Variants in ZNF559 observed in about 807,000 individuals in gnomAD.
ZNF559 encodes putative protein product of Nbla00121.
ZNF559 carries 17 observed loss-of-function variants against 14.2 expected under a neutral mutation model. That is an observed-to-expected ratio of 1.20 (90% CI 0.82 to 1.80). The LOEUF (loss-of-function observed/expected upper bound fraction) is 1.80. Among genes scored for constraint, ZNF559 ranks in the 40% most tolerant of loss-of-function variants. ZNF559 has a pLI of 0.00. For synonymous variants in ZNF559, 244 were observed against 212.4 expected (o/e 1.15, Z -1.29); for missense variants, 740 against 629.7 (o/e 1.18, Z -1.88).
At chr19:9,329,724 C>T (rs140980707) in intron 2 of ZNF559, among the ~76,000 whole-genome samples, 2,263 of 152,234 alleles carry the variant, frequency 0.015, 24 homozygotes, top group African/African-American at 0.027. Flanking sequence ...AATGCAGTGG[C>T]GTGATCTTGG....
At position 9,324,255 on chromosome 19, in the gene ZNF559, C is replaced by T. The variant is rs1464416797; in HGVS notation, c.-206+27C>T. ...TAAGTTTTTGTTTCTGGGCGGCGTT[C>T]GGTGGTGTCCCGGTGCAGCCACGCG... On this transcript the variant is annotated intron_variant, in intron 1 of 6. Coordinates refer to ENST00000603380, the MANE Select transcript of ZNF559 (RefSeq NM_032497.3). 29 of 1,535,932 alleles carry T rather than the reference C, an allele frequency of 1.9e-5. No individual in the cohort carries two copies. The East Asian group carries it at 4.9e-4, about 26-fold the overall frequency.
At chr19:9,332,537 T>C (rs770932022) in intron 2 of ZNF559, among the ~76,000 whole-genome samples, 10 of 152,160 alleles carry the variant, frequency 6.6e-5, no homozygotes, top group Non-Finnish European at 1.3e-4. Flanking sequence ...TCAGGGAGGC[T>C]ACATGCACCT....
At chr19:9,324,442 T>G in intron 1 of ZNF559, 1 of 1,438,110 alleles carries the variant, frequency 7.0e-7, no homozygotes, top group Non-Finnish European at 9.1e-7. Context: ...CGCTGGGGCC[T>G]CGGCCCGGGA....
intron 2 of ZNF559, among the ~76,000 whole-genome samples, chr19:9,337,262 C>T (rs764471987): frequency 4.6e-5 from 7 of 152,174 alleles, no homozygotes; most frequent in Non-Finnish European, 7.3e-5. Context: ...AACAGGCCTT[C>T]AGCATAAATC....
At chr19:9,324,874 C>A in intron 2 of ZNF559, 94 bp downstream of exon 2, 1 of 1,046,158 alleles carries the variant, frequency 9.6e-7, no homozygotes, top group Non-Finnish European at 1.4e-6. Flanking sequence ...GGTGGTTGTT[C>A]GAGAGCACAT....
chr19:9,342,874 A>G lies in ZNF559; in HGVS notation c.1423A>G (p.Ser475Gly). The G allele has an allele frequency of 1.9e-6, 3 of 1,614,020 alleles. No homozygotes were observed. Among genetic ancestry groups the G allele is most frequent in the Non-Finnish European group, 1.7e-6 (2 of 1,180,004 alleles). ...ATGTCAAAAGTGTGGGCAAGCCTTC[A>G]GTATCTCATCAGGCCTTACAGTACA... ...YKCQKCGQAF[S>G]ISSGLTVHMR... Residue 475 changes from serine (S) to glycine (G), a missense_variant, in exon 7 of 7, where the codon AGT becomes GGT. Physicochemically the swap from Ser to Gly is moderately conservative, Grantham distance 56 (BLOSUM62 0). Coordinates refer to ENST00000603380, the MANE Select transcript of ZNF559 (RefSeq NM_032497.3).
rs570646139 is a variant in ZNF559 at position 9,329,218 on chromosome 19, ATTTCT to A, written c.-120+4442_-120+4446del. 2.8e-4 allele frequency among the ~76,000 whole-genome samples: 42 copies of A among 152,100 alleles called. No homozygotes were observed. The South Asian group carries it at 5.0e-3, about 18-fold the overall frequency. ...AGCATATGTGGTGCCATAGTTTTTA[ATTTCT>A]TTTATATTTATATACAATATGATTG... On this transcript the variant is annotated intron_variant, in intron 2 of 6. Coordinates refer to ENST00000603380, the MANE Select transcript of ZNF559 (RefSeq NM_032497.3).
Position 9,342,865 on chromosome 19 carries a change from C to G in ZNF559, c.1414C>G (p.Gln472Glu), listed in dbSNP as rs776724223. The change falls in exon 7 of 7, where the codon CAA (glutamine) becomes GAA (glutamate). Residue 472 changes from glutamine to glutamate, a missense_variant. Coordinates refer to ENST00000603380, the MANE Select transcript of ZNF559 (RefSeq NM_032497.3). ...GCCATATAAATGTCAAAAGTGTGGG[C>G]AAGCCTTCAGTATCTCATCAGGCCT... The part of the protein sequence containing the change: ...ERPYKCQKCG[Q>E]AFSISSGLTV... 1 of 1,612,586 alleles carries G rather than the reference C, an allele frequency of 6.2e-7. No individual in the cohort carries two copies. Among genetic ancestry groups the G allele is most frequent in the Admixed American group, 1.7e-5 (1 of 59,916 alleles).
rs1599359985 is a variant in ZNF559, at chr19:9,342,905, G to GA, written c.1456dup (p.Thr486AsnfsTer5). 2 of 1,614,178 alleles carry GA rather than the reference G, an allele frequency of 1.2e-6. No individual in the cohort carries two copies. Among genetic ancestry groups the GA allele is most frequent in the Non-Finnish European group, 1.7e-6 (2 of 1,180,020 alleles). On this transcript the variant is annotated frameshift_variant, in exon 7 of 7. Transcript: ENST00000603380. LOFTEE classifies it low-confidence loss of function (END_TRUNC). ...TCATCAGGCCTTACAGTACACATGA[G>GA]AACTCACACTGGTGAACGGCCCTTT...
chr19:9,345,767 A>C lies in ZNF559; in HGVS notation c.*2699A>C, dbSNP rs568474191. 35 of 151,386 alleles carry C rather than the reference A, an allele frequency of 2.3e-4. 1 individual carries two copies. The highest frequency in any genetic ancestry group is 4.4e-5 in the Non-Finnish European group (3 of 67,876). The allele number at this position is 151,386 out of a possible 1,614,324, so 9.4% of individuals were successfully genotyped here. A position where few individuals can be genotyped will look rare whatever the true frequency, so the allele number is the denominator to read the frequency against. On this transcript the variant is annotated 3_prime_UTR_variant, in exon 7 of 7. Transcript: ENST00000603380. ...GAATTTTGAGAGTTTAAAATTTGTA[A>C]TATATTTAATATTAAACCTATTAGT... is the stretch of plus-strand genomic sequence containing the variant.
In ZNF559 at chr19:9,339,273, A is replaced by C; in HGVS notation, c.114A>C (p.Leu38Phe). The C allele has an allele frequency of 6.8e-6, 11 of 1,613,944 alleles. No homozygotes were observed. The highest frequency in any genetic ancestry group is 9.3e-6 in the Non-Finnish European group (11 of 1,179,950). ...TGCTGGATCAAACTCAGAGAAACTTATACAGAGATGTGATGCTGGAGAACT... is the reference window on the plus strand; with the variant it reads ...TGCTGGATCAAACTCAGAGAAACTTCTACAGAGATGTGATGCTGGAGAACT... ...WTLLDQTQRN[L>F]YRDVMLENYK... Residue 38 changes from leucine (L) to phenylalanine (F), a missense_variant, in exon 5 of 7, where the codon TTA (leucine) becomes TTC (phenylalanine). Transcript: ENST00000603380.
chr19:9,326,260 C>T (rs929893743), intron 2 of ZNF559, among the ~76,000 whole-genome samples: 6 of 152,012 alleles, frequency 3.9e-5, no homozygotes, highest in Non-Finnish European at 7.4e-5. Flanking sequence ...CAGGCGTGTG[C>T]CACCACGCCC....
Position 9,338,586 on chromosome 19 carries a change from A to G in ZNF559, c.33+4A>G. The G allele has an allele frequency of 6.2e-7, 1 of 1,611,522 alleles. No individual in the cohort carries two copies. The highest frequency in any genetic ancestry group is 1.7e-4 in the Middle Eastern group (1 of 6,048). The stretch of plus-strand genomic sequence containing the variant: ...GTGGTTGACAAATTACTCTCAGGTA[A>G]GTAGGAAATTGCTTTTTCTGTAGAA... On this transcript the variant is annotated splice_donor_region_variant and intron_variant, in intron 4 of 6. Coordinates refer to ENST00000603380, the MANE Select transcript of ZNF559 (RefSeq NM_032497.3).
intron 3 of ZNF559, 51 bp from the exon 4 acceptor site, chr19:9,338,443 A>G: frequency 2.8e-6 from 4 of 1,405,856 alleles, no homozygotes; most frequent in South Asian, 2.4e-5. Context: ...CCTTGTGAGT[A>G]TGGAAGCTAT....
intron 2 of ZNF559, among the ~76,000 whole-genome samples, chr19:9,329,688 G>C (rs550801478): frequency 1.1e-4 from 17 of 152,296 alleles, no homozygotes; most frequent in Admixed American, 9.1e-4. Context: ...TTTTGAGACA[G>C]AGTCTCACTC....
In ZNF559 at chr19:9,341,753, G is replaced by C; in HGVS notation, c.302G>C (p.Ser101Thr). ...TTTAACCAATGTGAAAAAGCCTTGA[G>C]TGAACACTCATGCCTTAAGACTCAC... ...FDFNQCEKAL[S>T]EHSCLKTHRR... The change falls in exon 7 of 7, where the codon AGT (serine) becomes ACT (threonine). Residue 101 changes from serine to threonine, a missense_variant. Coordinates refer to ENST00000603380, the MANE Select transcript of ZNF559 (RefSeq NM_032497.3). 6.2e-7 allele frequency: 1 copy of C among 1,600,172 alleles called. No individual in the cohort carries two copies. Among genetic ancestry groups the C allele is most frequent in the Non-Finnish European group, 8.5e-7 (1 of 1,176,218 alleles).
intron 2 of ZNF559, among the ~76,000 whole-genome samples, chr19:9,330,868 A>G (rs1294372315): frequency 1.3e-5 from 2 of 152,056 alleles, no homozygotes; most frequent in Non-Finnish European, 2.9e-5. Flanking sequence ...TCTTCATGCT[A>G]TTTGTAGGTT....
chr19:9,324,812 G>C, intron 2 of ZNF559, 32 bp downstream of exon 2: 4 of 1,522,606 alleles, frequency 2.6e-6, no homozygotes, highest in Non-Finnish European at 3.5e-6. Context: ...TCTGGCTGTG[G>C]GTGTCGGGTC....
At chr19:9,337,149 T>G (rs555386086) in intron 2 of ZNF559, among the ~76,000 whole-genome samples, 1 of 152,294 alleles carries the variant, frequency 6.6e-6, no homozygotes, top group South Asian at 2.1e-4. Context: ...TACTGAGGGT[T>G]AGTCCCGTAG....
Sources: allele counts gnomAD v4.1 joint callset (sites outside exome capture counted in the v4.1 genomes callset), GRCh38; gene constraint gnomAD v4.1.1; transcripts MANE v1.5; gene names NCBI Gene and HGNC (gene_info 2026-07-23, HGNC 2026-07-21).